Variants in AOPEP observed in about 807,000 individuals in gnomAD.
The protein encoded by AOPEP is aminopeptidase O.
AOPEP carries 77 observed loss-of-function variants against 98.1 expected under a neutral mutation model. The observed-to-expected ratio is 0.78, with a 90% CI of 0.65 to 0.95. The LOEUF (loss-of-function observed/expected upper bound fraction) is 0.95. AOPEP is among the 40% of genes least tolerant of loss of function. AOPEP has a pLI of 0.00. For synonymous variants in AOPEP, 346 were observed against 365.3 expected (o/e 0.95, Z 0.60); for missense variants, 1,024 against 1,024.7 (o/e 1.00, Z 0.01).
intron 7 of AOPEP, among the ~76,000 whole-genome samples, chr9:94,942,659 G>A (rs1323580369): frequency 6.6e-6 from 1 of 152,140 alleles, no homozygotes; most frequent in African/African-American, 2.4e-5. Flanking sequence ...ATAATCTTAT[G>A]TGGAGTAAAT....
At chr9:94,761,267 T>G (rs1211392632) in intron 2 of AOPEP, among the ~76,000 whole-genome samples, 1 of 152,232 alleles carries the variant, frequency 6.6e-6, no homozygotes, top group Non-Finnish European at 1.5e-5. Context: ...TGTCGTTTTC[T>G]AGAGGATACA....
intron 5 of AOPEP, among the ~76,000 whole-genome samples, chr9:94,838,984 C>T (rs1339971493): frequency 7.2e-6 from 1 of 138,284 alleles, no homozygotes; most frequent in Admixed American, 8.1e-5. Context: ...AATCTCGGCT[C>T]ACTGCAACCG....
chr9:95,148,076 C>T, the AOPEP span, among the ~76,000 whole-genome samples: 5 of 152,086 alleles, frequency 3.3e-5, no homozygotes, highest in African/African-American at 1.2e-4. Context: ...GAATCAGAGC[C>T]GAGACAGCCC....
intron 13 of AOPEP, among the ~76,000 whole-genome samples, chr9:95,026,036 A>G (rs1324013383): frequency 6.6e-6 from 1 of 152,188 alleles, no homozygotes; most frequent in African/African-American, 2.4e-5. Context: ...TATTATCTTT[A>G]GAGGAAATTG....
the AOPEP span, among the ~76,000 whole-genome samples, chr9:95,136,590 G>A: frequency 5.9e-5 from 9 of 152,100 alleles, no homozygotes; most frequent in Admixed American, 3.9e-4. Flanking sequence ...AGGCTCATGT[G>A]ATCCTCCTGC....
intron 1 of AOPEP, among the ~76,000 whole-genome samples, chr9:94,753,381 T>C (rs1159483519): frequency 6.6e-6 from 1 of 152,208 alleles, no homozygotes; most frequent in Non-Finnish European, 1.5e-5. Context: ...GAAGCTGTTA[T>C]GGAGTAAGGA....
At chr9:95,126,625 C>A in the AOPEP span, 34 of 1,599,146 alleles carry the variant, frequency 2.1e-5, no homozygotes, top group Non-Finnish European at 2.7e-5. Context: ...ATCACAAGCA[C>A]TTTCTCAGAA....
the AOPEP span, among the ~76,000 whole-genome samples, chr9:95,098,859 C>T: frequency 6.6e-6 from 1 of 152,220 alleles, no homozygotes; most frequent in Non-Finnish European, 1.5e-5. Flanking sequence ...CCCTTGTCCT[C>T]CTGCTTCCTC....
chr9:95,149,923 A>G, the AOPEP span: 1 of 1,597,732 alleles, frequency 6.3e-7, no homozygotes, highest in Non-Finnish European at 8.5e-7. Context: ...TGCCACTTAC[A>G]GCAAAATGGC....
intron 11 of AOPEP, among the ~76,000 whole-genome samples, chr9:94,984,256 C>T (rs1245680891): frequency 2.6e-5 from 4 of 152,124 alleles, no homozygotes; most frequent in African/African-American, 9.7e-5. Flanking sequence ...GTCTCGATCT[C>T]CTGACCTCGT....
intron 4 of AOPEP, among the ~76,000 whole-genome samples, chr9:94,798,283 C>T (rs1847478891): frequency 6.6e-6 from 1 of 152,160 alleles, no homozygotes; most frequent in Non-Finnish European, 1.5e-5. Context: ...TTTTCCCAGG[C>T]TTTGATTACA....
the AOPEP span, chr9:95,149,843 C>G: frequency 2.0e-6 from 3 of 1,466,540 alleles, no homozygotes; most frequent in Non-Finnish European, 2.8e-6. Flanking sequence ...ACACTGCTGT[C>G]GTACAGTCTT....
At chr9:95,105,837 C>T in the AOPEP span, among the ~76,000 whole-genome samples, 6 of 152,230 alleles carry the variant, frequency 3.9e-5, no homozygotes, top group Admixed American at 2.6e-4. Flanking sequence ...ACAGTACTCT[C>T]TTGTGGGTAC....
chr9:95,061,249 C>T (rs777281764), intron 14 of AOPEP, among the ~76,000 whole-genome samples: 11 of 152,300 alleles, frequency 7.2e-5, no homozygotes, highest in Admixed American at 1.3e-4. Context: ...TTGGAAAAGG[C>T]AATTGGATGC....
chr9:94,979,860 C>T (rs1000062359), intron 11 of AOPEP, among the ~76,000 whole-genome samples: 9 of 152,220 alleles, frequency 5.9e-5, no homozygotes, highest in African/African-American at 2.2e-4. Context: ...CCGCCGTCGT[C>T]TGTCCTGCCC....
intron 9 of AOPEP, among the ~76,000 whole-genome samples, chr9:94,967,134 G>A (rs142169720): frequency 9.2e-5 from 14 of 152,158 alleles, no homozygotes; most frequent in Middle Eastern, 3.4e-3. Context: ...TAAAATGTGC[G>A]TGTGTGTATG....
intron 5 of AOPEP, among the ~76,000 whole-genome samples, chr9:94,870,156 T>C (rs1473594352): frequency 2.6e-5 from 4 of 151,950 alleles, no homozygotes; most frequent in Non-Finnish European, 5.9e-5. Context: ...GCCTGGCTAA[T>C]TTTTTGTATT....
chr9:95,052,316 A>G (rs1450711094), intron 13 of AOPEP, among the ~76,000 whole-genome samples: 2 of 152,212 alleles, frequency 1.3e-5, no homozygotes, highest in Non-Finnish European at 2.9e-5. Context: ...AAAAATGTAT[A>G]TTCCTTTTAT....
chr9:94,841,379 A>T (rs2042252236), intron 5 of AOPEP, among the ~76,000 whole-genome samples: 1 of 152,050 alleles, frequency 6.6e-6, no homozygotes, highest in Admixed American at 6.6e-5. Flanking sequence ...TCACCGTGTT[A>T]TCCAGGCTGG....
Sources: gnomAD v4.1 joint callset for allele counts (sites outside exome capture counted in the v4.1 genomes callset) on GRCh38, gnomAD v4.1.1 for gene constraint, MANE v1.5 for transcripts, NCBI Gene and HGNC (gene_info 2026-07-23, HGNC 2026-07-21) for gene names.